Variants in KHDRBS2 observed in about 807,000 individuals in gnomAD.
The protein encoded by KHDRBS2 is KH domain-containing, RNA-binding, signal transduction-associated protein 2.
Under a neutral mutation model 44.3 loss-of-function variants are expected in KHDRBS2, and 26 were observed. That is an observed-to-expected ratio of 0.59 (90% CI 0.43 to 0.81). The LOEUF (loss-of-function observed/expected upper bound fraction) is 0.81. Ranked by LOEUF, KHDRBS2 falls within the 40% of genes least tolerant of loss-of-function variation. KHDRBS2 has a pLI of 0.00. For missense variants in KHDRBS2, 476 were observed against 433.1 expected (o/e 1.10, Z -0.88); for synonymous variants, 194 against 151.1 (o/e 1.28, Z -2.08).
At chr6:61,695,220 A>G (rs1240943083) in intron 8 of KHDRBS2, among the ~76,000 whole-genome samples, 1 of 104,724 alleles carries the variant, frequency 9.5e-6, no homozygotes, top group Non-Finnish European at 2.2e-5. Flanking sequence ...CCACCTCCTG[A>G]CAAAACAAAC....
chr6:62,244,804 G>A (rs1290545775), intron 1 of KHDRBS2, among the ~76,000 whole-genome samples: 2 of 152,008 alleles, frequency 1.3e-5, no homozygotes, highest in Non-Finnish European at 2.9e-5. Context: ...AAGGAACAGA[G>A]CAGTTTACAT....
At chr6:61,756,907 C>G (rs7739893) in intron 6 of KHDRBS2, among the ~76,000 whole-genome samples, 54,572 of 152,064 alleles carry the variant, frequency 0.36, 10,497 homozygotes, top group East Asian at 0.48. Context: ...AACAAATGAT[C>G]TGCTTTGCTA....
At chr6:61,626,305 T>C in the KHDRBS2 span, among the ~76,000 whole-genome samples, 2 of 152,194 alleles carry the variant, frequency 1.3e-5, no homozygotes, top group Non-Finnish European at 2.9e-5. Context: ...GGTAGATACA[T>C]GTGAGTATTG....
intron 1 of KHDRBS2, among the ~76,000 whole-genome samples, chr6:62,182,594 T>C (rs1822555028): frequency 1.3e-5 from 2 of 152,036 alleles, no homozygotes; most frequent in South Asian, 4.1e-4. Context: ...CTGTATATAT[T>C]ACATATGTAC....
chr6:62,040,245 G>C (rs909002801), intron 3 of KHDRBS2, among the ~76,000 whole-genome samples: 1 of 151,776 alleles, frequency 6.6e-6, no homozygotes, highest in Non-Finnish European at 1.5e-5. Flanking sequence ...ACAGACACAC[G>C]CATGCACGCA....
At chr6:61,577,644 T>C in the KHDRBS2 span, among the ~76,000 whole-genome samples, 1 of 152,182 alleles carries the variant, frequency 6.6e-6, no homozygotes, top group Non-Finnish European at 1.5e-5. Context: ...ACCATGTGGA[T>C]TAACAATAGT....
At chr6:61,625,621 CG>C in the KHDRBS2 span, among the ~76,000 whole-genome samples, 2 of 152,022 alleles carry the variant, frequency 1.3e-5, no homozygotes, top group Admixed American at 6.6e-5. Context: ...TCTTTGCTTT[CG>C]GATTGTACTG....
chr6:62,283,013 A>T (rs1451541701), intron 1 of KHDRBS2, among the ~76,000 whole-genome samples: 1 of 152,154 alleles, frequency 6.6e-6, no homozygotes, highest in Non-Finnish European at 1.5e-5. Context: ...AAACTTATGT[A>T]ATTTCATCTG....
At chr6:61,607,362 T>C in the KHDRBS2 span, among the ~76,000 whole-genome samples, 1 of 150,880 alleles carries the variant, frequency 6.6e-6, no homozygotes, top group Non-Finnish European at 1.5e-5. Context: ...CAAAAATTAG[T>C]TCAGATATAA....
At chr6:62,169,449 T>C (rs1235279077) in intron 2 of KHDRBS2, among the ~76,000 whole-genome samples, 2 of 151,948 alleles carry the variant, frequency 1.3e-5, no homozygotes, top group Non-Finnish European at 2.9e-5. Flanking sequence ...AGCTCATGTG[T>C]ACTGCTCTCA....
intron 6 of KHDRBS2, among the ~76,000 whole-genome samples, chr6:61,733,986 C>T (rs1774918064): frequency 6.6e-6 from 1 of 152,104 alleles, no homozygotes; most frequent in South Asian, 2.1e-4. Flanking sequence ...TTATCTTGTT[C>T]AGGAGTTTCA....
chr6:61,631,335 A>AAAAAAAAAAAAAAAAAAAAAG, the KHDRBS2 span, among the ~76,000 whole-genome samples: 2 of 104,676 alleles, frequency 1.9e-5, no homozygotes, highest in Non-Finnish European at 3.9e-5. Context: ...AAAAAAAAAA[A>AAAAAAAAAAAAAAAAAAAAAG]AAGACAATAC....
intron 8 of KHDRBS2, among the ~76,000 whole-genome samples, chr6:61,690,394 C>T (rs540180550): frequency 6.6e-6 from 1 of 152,074 alleles, no homozygotes; most frequent in South Asian, 2.1e-4. Context: ...ACTCTCCCCT[C>T]CCTCTTAGCC....
intron 6 of KHDRBS2, among the ~76,000 whole-genome samples, chr6:61,813,788 A>C (rs953656512): frequency 1.3e-5 from 2 of 152,114 alleles, no homozygotes; most frequent in African/African-American, 4.8e-5. Context: ...CATTGTCTGG[A>C]ATAAACTAGA....
chr6:61,767,554 T>C (rs1314499666), intron 6 of KHDRBS2, among the ~76,000 whole-genome samples: 1 of 152,076 alleles, frequency 6.6e-6, no homozygotes, highest in Non-Finnish European at 1.5e-5. Flanking sequence ...ACCTTCCTAT[T>C]TTCCCTCCTT....
chr6:62,248,724 G>A lies in KHDRBS2; in HGVS notation c.91+37134C>T, dbSNP rs1306481751. ...TTCATCTTCAAAAGACTCATGGGGA[G>A]CTCAATTGAATTGTCTGATTTTACT... On this transcript the variant is annotated intron_variant, in intron 1 of 8. Transcript: ENST00000281156. Among the ~76,000 whole-genome samples, 3 of 152,052 alleles carry A rather than the reference G, an allele frequency of 2.0e-5. No homozygotes were observed. In the East Asian group the frequency reaches 5.8e-4, roughly 29 times the overall value.
intron 7 of KHDRBS2, among the ~76,000 whole-genome samples, chr6:61,708,166 C>T (rs1474610504): frequency 6.6e-6 from 1 of 151,514 alleles, no homozygotes; most frequent in East Asian, 1.9e-4. Flanking sequence ...TGATTATTTG[C>T]TTTGCTGAGA....
At chr6:62,041,415 C>A (rs1287742006) in intron 3 of KHDRBS2, among the ~76,000 whole-genome samples, 2 of 152,086 alleles carry the variant, frequency 1.3e-5, no homozygotes, top group African/African-American at 4.8e-5. Flanking sequence ...TAGAAAAGAA[C>A]TACATCATTA....
At position 61,795,606 on chromosome 6, in the gene KHDRBS2, T is replaced by C. The variant is rs535643892; in HGVS notation, c.811-62842A>G. ...TTTCATGCCACTTTTGTTCTAGTTT[T>C]ATTTCTCTTCCTTTAATTTCATGGC... On this transcript the variant is annotated intron_variant, in intron 6 of 8. Coordinates refer to ENST00000281156, the MANE Select transcript of KHDRBS2 (RefSeq NM_152688.4). 2.6e-5 allele frequency among the ~76,000 whole-genome samples: 4 copies of C among 152,292 alleles called. No individual in the cohort carries two copies. In the South Asian group the frequency reaches 8.3e-4, roughly 32 times the overall value.
Sources: gnomAD v4.1 joint callset for allele counts (sites outside exome capture counted in the v4.1 genomes callset) on GRCh38, gnomAD v4.1.1 for gene constraint, MANE v1.5 for transcripts, NCBI Gene and HGNC (gene_info 2026-07-23, HGNC 2026-07-21) for gene names.